CARMIL1: variants seen among roughly 807,000 people sequenced by gnomAD.
The protein encoded by CARMIL1 is capping protein regulator and myosin 1 linker 1, also known as F-actin-uncapping protein LRRC16A.
In CARMIL1, 90 loss-of-function variants were observed where a neutral mutation model predicts 177.1. The observed-to-expected ratio is 0.51, with a 90% CI of 0.43 to 0.61. The LOEUF (loss-of-function observed/expected upper bound fraction) is 0.61. CARMIL1 is among the 20% of genes least tolerant of loss of function. The probability of loss-of-function intolerance (pLI) is 0.00; values close to 1 mark genes in which losing one functional copy is unlikely to be tolerated. For synonymous variants in CARMIL1, 577 were observed against 606.2 expected (o/e 0.95, Z 0.71); for missense variants, 1,380 against 1,667.0 (o/e 0.83, Z 3.00).
intron 2 of CARMIL1, among the ~76,000 whole-genome samples, chr6:25,392,494 T>C (rs1792964411): frequency 6.6e-6 from 1 of 152,246 alleles, no homozygotes; most frequent in Non-Finnish European, 1.5e-5. Flanking sequence ...TTATGTCTTT[T>C]CTCCTATAGG....
chr6:25,408,419 G>T (rs1200038193), intron 2 of CARMIL1, among the ~76,000 whole-genome samples: 1 of 151,794 alleles, frequency 6.6e-6, no homozygotes, highest in Non-Finnish European at 1.5e-5. Flanking sequence ...GAACAAGAAG[G>T]CCGAAGAATT....
intron 26 of CARMIL1, among the ~76,000 whole-genome samples, chr6:25,544,723 A>C (rs1216994176): frequency 6.6e-6 from 1 of 152,138 alleles, no homozygotes; most frequent in Non-Finnish European, 1.5e-5. Context: ...AGAAAGACTA[A>C]TGAGCTGGGA....
intron 3 of CARMIL1, among the ~76,000 whole-genome samples, chr6:25,421,065 G>A (rs1304638765): frequency 2.0e-5 from 3 of 152,214 alleles, no homozygotes; most frequent in African/African-American, 7.2e-5. Flanking sequence ...CTAGTATGTG[G>A]CACATGTGTG....
At chr6:25,393,556 CAAA>C (rs201908574) in intron 2 of CARMIL1, 9 of 91,722 alleles carry the variant, frequency 9.8e-5, no homozygotes, top group East Asian at 2.6e-4. Context: ...AACTCCATCT[CAAA>C]AAAAAAAAAA....
At chr6:25,432,567 A>G (rs1796887914) in intron 4 of CARMIL1, among the ~76,000 whole-genome samples, 1 of 152,162 alleles carries the variant, frequency 6.6e-6, no homozygotes, top group Admixed American at 6.5e-5. Flanking sequence ...CATGGTATTT[A>G]AGTTGAGGCC....
intron 26 of CARMIL1, among the ~76,000 whole-genome samples, chr6:25,544,200 A>G (rs923715111): frequency 6.6e-6 from 1 of 152,178 alleles, no homozygotes; most frequent in African/African-American, 2.4e-5. Context: ...CAACATTTGA[A>G]GAGATGACAG....
At chr6:25,536,789 C>T (rs887404619) in intron 24 of CARMIL1, among the ~76,000 whole-genome samples, 8 of 152,048 alleles carry the variant, frequency 5.3e-5, no homozygotes, top group African/African-American at 1.9e-4. Context: ...AGCTTCCTAT[C>T]GTTATGATAT....
intron 2 of CARMIL1, among the ~76,000 whole-genome samples, chr6:25,308,066 T>G (rs1486260383): frequency 6.6e-6 from 1 of 152,236 alleles, no homozygotes; most frequent in Non-Finnish European, 1.5e-5. Context: ...GTGTGCAGAT[T>G]AGGCTACATA....
intron 2 of CARMIL1, among the ~76,000 whole-genome samples, chr6:25,321,688 T>G (rs1784684568): frequency 6.6e-6 from 1 of 151,758 alleles, no homozygotes; most frequent in Non-Finnish European, 1.5e-5. Flanking sequence ...TTAGCTGAAG[T>G]CTTGCTGTTG....
chr6:25,529,268 T>C (rs968708949), intron 24 of CARMIL1, among the ~76,000 whole-genome samples: 2 of 152,156 alleles, frequency 1.3e-5, no homozygotes, highest in African/African-American at 4.8e-5. Context: ...CCAGATTTTA[T>C]GTTCACAATG....
At chr6:25,406,237 C>T (rs1309287158) in intron 2 of CARMIL1, among the ~76,000 whole-genome samples, 1 of 151,994 alleles carries the variant, frequency 6.6e-6, no homozygotes, top group East Asian at 1.9e-4. Flanking sequence ...AGTCCTTTAC[C>T]TGAAGAATGA....
At chr6:25,288,963 G>A (rs1433658761) in intron 2 of CARMIL1, among the ~76,000 whole-genome samples, 1 of 152,184 alleles carries the variant, frequency 6.6e-6, no homozygotes, top group African/African-American at 2.4e-5. Context: ...ACAGCCCTGT[G>A]CATTGTAAAT....
chr6:25,312,543 A>G (rs1310722560), intron 2 of CARMIL1, among the ~76,000 whole-genome samples: 1 of 152,146 alleles, frequency 6.6e-6, no homozygotes, highest in Non-Finnish European at 1.5e-5. Context: ...ATTTTCATTT[A>G]ATTCCTAACT....
At chr6:25,503,088 T>G (rs978098124) in intron 17 of CARMIL1, among the ~76,000 whole-genome samples, 3 of 152,258 alleles carry the variant, frequency 2.0e-5, no homozygotes, top group African/African-American at 7.2e-5. Flanking sequence ...GACTTTATAA[T>G]CTTTTTAACG....
chr6:25,390,320 A>ATATATTT (rs1554184839), intron 2 of CARMIL1, among the ~76,000 whole-genome samples: 1 of 58,102 alleles, frequency 1.7e-5, no homozygotes, highest in African/African-American at 6.2e-5. Context: ...ATATATATAT[A>ATATATTT]TTTTTTTTTT....
At chr6:25,426,939 A>T (rs1796326690) in intron 4 of CARMIL1, among the ~76,000 whole-genome samples, 1 of 152,018 alleles carries the variant, frequency 6.6e-6, no homozygotes, top group Non-Finnish European at 1.5e-5. Context: ...ATGCTGATTT[A>T]AAAAAATAGC....
At chr6:25,305,014 A>G (rs1783151664) in intron 2 of CARMIL1, among the ~76,000 whole-genome samples, 1 of 152,300 alleles carries the variant, frequency 6.6e-6, no homozygotes. Context: ...TTTTAGTTCC[A>G]GTAGAGATAT....
chr6:25,357,736 T>C (rs187407439), intron 2 of CARMIL1, among the ~76,000 whole-genome samples: 1 of 152,338 alleles, frequency 6.6e-6, no homozygotes, highest in African/African-American at 2.4e-5. Context: ...AGTTCTGTGG[T>C]TAATGAAATA....
At chr6:25,373,895 C>T (rs899789876) in intron 2 of CARMIL1, among the ~76,000 whole-genome samples, 7 of 152,090 alleles carry the variant, frequency 4.6e-5, no homozygotes, top group African/African-American at 1.7e-4. Flanking sequence ...ATTTTCATTT[C>T]TAATTGAGCT....
Sources: gnomAD v4.1 joint callset for allele counts (sites outside exome capture counted in the v4.1 genomes callset) on GRCh38, gnomAD v4.1.1 for gene constraint, MANE v1.5 for transcripts, NCBI Gene and HGNC (gene_info 2026-07-23, HGNC 2026-07-21) for gene names.